PIEZO2: variants seen among roughly 807,000 people sequenced by gnomAD.
PIEZO2 encodes the protein piezo type mechanosensitive ion channel component 2, also known as piezo-type mechanosensitive ion channel component 2.
Under a neutral mutation model 337.3 loss-of-function variants are expected in PIEZO2, and 172 were observed. That is an observed-to-expected ratio of 0.51 (90% CI 0.45 to 0.58). The LOEUF is 0.58. Among genes scored for constraint, PIEZO2 ranks in the 20% least tolerant of loss-of-function variants. The pLI, the probability that PIEZO2 is intolerant of heterozygous loss-of-function variation, is 0.00. For synonymous variants in PIEZO2, 1,251 were observed against 1,228.5 expected (o/e 1.02, Z -0.38); for missense variants, 3,028 against 3,391.3 (o/e 0.89, Z 2.66).
chr18:10,796,212 A>AT (rs1568067722), intron 12 of PIEZO2, among the ~76,000 whole-genome samples: 22 of 151,836 alleles, frequency 1.4e-4, no homozygotes, highest in Admixed American at 6.6e-5. Context: ...AAAATAAAAA[A>AT]AAAAAAAATT....
Position 10,773,451 on chromosome 18 carries a change from C to A in PIEZO2, c.2746G>T (p.Glu916Ter), listed in dbSNP as rs2038674988. The change falls in exon 20 of 56, where the codon GAG becomes TAG. Residue 916 changes from glutamate to a stop codon, truncating the protein, a stop_gained. Coordinates refer to ENST00000674853, the MANE Select transcript of PIEZO2 (RefSeq NM_001378183.1). LOFTEE classifies it high-confidence loss of function. The surrounding 1 kb of genome is among the most constrained non-coding windows in gnomAD (Gnocchi z 5.3). Reference sequence around the variant, plus strand: ...TCCTCCTCGGATTCCTCCTCTTCCTCTCCGTCCTCCTCTGACTCCTCGCTG... The same window carrying A: ...TCCTCCTCGGATTCCTCCTCTTCCTATCCGTCCTCCTCTGACTCCTCGCTG... ...KDSEESEEDG[E>*]EEEESEEEEE... 2 of 1,537,434 alleles carry A rather than the reference C, an allele frequency of 1.3e-6. No homozygotes were observed. Among genetic ancestry groups the A allele is most frequent in the South Asian group, 2.4e-5 (2 of 84,062 alleles).
chr18:10,714,731 C>T (rs2035945491), intron 39 of PIEZO2, 33 bp downstream of exon 39: 2 of 1,531,892 alleles, frequency 1.3e-6, no homozygotes, highest in African/African-American at 1.4e-5. Flanking sequence ...TTACCTTTGT[C>T]AAAAGTAAAC....
chr18:10,875,470 A>G (rs572541471), intron 4 of PIEZO2, among the ~76,000 whole-genome samples: 53 of 152,276 alleles, frequency 3.5e-4, no homozygotes, highest in African/African-American at 1.3e-3. Context: ...CAGTAAGAAA[A>G]AAGGCCAGGC....
At chr18:11,133,422 T>C (rs1171229024) in intron 1 of PIEZO2, among the ~76,000 whole-genome samples, 5 of 151,992 alleles carry the variant, frequency 3.3e-5, no homozygotes, top group African/African-American at 1.2e-4. Context: ...TAATATAGAG[T>C]GTCAACTTGA....
At position 10,784,862 on chromosome 18, in the gene PIEZO2, A is replaced by G. The variant is rs761844949; in HGVS notation, c.2414T>C (p.Leu805Pro). 1.3e-6 allele frequency: 2 copies of G among 1,537,770 alleles called. No individual in the cohort carries two copies. Among genetic ancestry groups the G allele is most frequent in the Non-Finnish European group, 1.7e-6 (2 of 1,146,982 alleles). Reference protein sequence around the residue: ...TSFLLVCILHLHYFHDRFLEL... With the variant: ...TSFLLVCILHPHYFHDRFLEL... ...AAGGAACCGGTCATGGAAGTAGTGC[A>G]GGTGTAAAATGCACACCAGCAGAAA... The change falls in exon 17 of 56, where the codon CTG becomes CCG. Residue 805 changes from leucine (L) to proline (P), a missense_variant. Leu to Pro is a moderately conservative substitution (Grantham distance 98, BLOSUM62 -3). This residue lies in a region of PIEZO2 where 1,925 missense variants were observed against 2,051.9 expected (regional missense o/e 0.94). Coordinates refer to ENST00000674853, the MANE Select transcript of PIEZO2 (RefSeq NM_001378183.1). The surrounding 1 kb of genome is among the most constrained non-coding windows in gnomAD (Gnocchi z 4.5).
chr18:10,840,151 GT>G (rs1265459342), intron 7 of PIEZO2, among the ~76,000 whole-genome samples: 1 of 152,172 alleles, frequency 6.6e-6, no homozygotes, highest in Non-Finnish European at 1.5e-5. Flanking sequence ...ATATTTTAAT[GT>G]GTAACATGTA....
chr18:11,041,655 C>A (rs187352773), intron 2 of PIEZO2, among the ~76,000 whole-genome samples: 2 of 152,070 alleles, frequency 1.3e-5, no homozygotes, highest in African/African-American at 2.4e-5. Flanking sequence ...CATTTTTCTA[C>A]GATGTCAATT....
Position 10,853,338 on chromosome 18 carries a change from C to T in PIEZO2, c.917+2015G>A, listed in dbSNP as rs1364830109. Reference sequence around the variant, plus strand: ...CTTGATCTCAAGTCGCCTGCTTAGCCCACTTCCAAGTGTACTTCACTTCCT... The same window carrying T: ...CTTGATCTCAAGTCGCCTGCTTAGCTCACTTCCAAGTGTACTTCACTTCCT... On this transcript the variant is annotated intron_variant, in intron 7 of 55. Transcript: ENST00000674853. The surrounding 1 kb of genome is among the most constrained non-coding windows in gnomAD (Gnocchi z 4.2). 1.3e-5 allele frequency among the ~76,000 whole-genome samples: 2 copies of T among 152,176 alleles called. No homozygotes were observed. The highest frequency in any genetic ancestry group is 4.8e-5 in the African/African-American group (2 of 41,432).
chr18:10,768,826 G>C (rs925566911), intron 21 of PIEZO2, among the ~76,000 whole-genome samples: 3 of 152,156 alleles, frequency 2.0e-5, no homozygotes, highest in African/African-American at 7.2e-5. Context: ...CTTTTGTTTA[G>C]GATCTATAAG....
chr18:10,716,506 G>C lies in PIEZO2; in HGVS notation c.5090-690C>G, dbSNP rs574221976. Among the ~76,000 whole-genome samples the C allele has an allele frequency of 3.9e-5, 6 of 152,278 alleles. No homozygotes were observed. The South Asian group carries it at 1.0e-3, about 26-fold the overall frequency. ...GTCACACCTAACAGTCTTCCATGAGGTACATTTAAGAAGCAAGGAAAAGAG... is the reference window on the plus strand; with the variant it reads ...GTCACACCTAACAGTCTTCCATGAGCTACATTTAAGAAGCAAGGAAAAGAG... On this transcript the variant is annotated intron_variant, in intron 37 of 55. Transcript: ENST00000674853. This position sits in a 1 kb window ranked among gnomAD's most constrained non-coding sequence, Gnocchi z 4.1.
intron 29 of PIEZO2, 128 bp downstream of exon 29, chr18:10,749,963 C>T (rs751162724): frequency 6.1e-6 from 4 of 657,676 alleles, no homozygotes; most frequent in Non-Finnish European, 1.1e-5. Flanking sequence ...AGTTCTACAG[C>T]CTCCATCTGG....
At chr18:11,135,521 TAC>T (rs947827577) in intron 1 of PIEZO2, among the ~76,000 whole-genome samples, 1 of 152,196 alleles carries the variant, frequency 6.6e-6, no homozygotes, top group Non-Finnish European at 1.5e-5. Flanking sequence ...TATAAAACAT[TAC>T]AGTTTGGTTC....
In PIEZO2 at chr18:10,877,908, A is replaced by T. The variant is rs776955540; in HGVS notation, c.330-6493T>A. Among the ~76,000 whole-genome samples, 1 of 152,042 alleles carries T rather than the reference A, an allele frequency of 6.6e-6. No homozygotes were observed. Among genetic ancestry groups the T allele is most frequent in the Non-Finnish European group, 1.5e-5 (1 of 68,004 alleles). On this transcript the variant is annotated intron_variant, in intron 4 of 55. Transcript: ENST00000674853. This position sits in a 1 kb window ranked among gnomAD's most constrained non-coding sequence, Gnocchi z 5.3. The stretch of plus-strand genomic sequence containing the variant: ...CTACCTCAAATTCCGGCCATACTGA[A>T]TGCACGTACCCAGAACGCGCCAGTG...
At chr18:10,909,999 G>A (rs886528840) in intron 4 of PIEZO2, among the ~76,000 whole-genome samples, 2 of 152,174 alleles carry the variant, frequency 1.3e-5, no homozygotes, top group Admixed American at 6.5e-5. Context: ...TGGGTCTACC[G>A]ATGTGCTATT....
intron 3 of PIEZO2, among the ~76,000 whole-genome samples, chr18:10,944,884 G>A (rs566236567): frequency 3.9e-5 from 6 of 152,108 alleles, no homozygotes; most frequent in African/African-American, 1.4e-4. Context: ...GTTCCTAAGG[G>A]GGGAGAAAAA....
intron 13 of PIEZO2, among the ~76,000 whole-genome samples, chr18:10,792,765 G>T (rs571268534): frequency 1.3e-5 from 2 of 152,322 alleles, no homozygotes; most frequent in African/African-American, 4.8e-5. Context: ...TGGACAGATG[G>T]TTTCAATCCT....
intron 4 of PIEZO2, among the ~76,000 whole-genome samples, chr18:10,886,028 G>A (rs560072006): frequency 5.9e-4 from 89 of 151,836 alleles, no homozygotes; most frequent in African/African-American, 1.7e-3. Flanking sequence ...AAAACCTCAC[G>A]CAAAAGAGAA....
At position 10,990,801 on chromosome 18, in the gene PIEZO2, T is replaced by G. The variant is rs1048347630; in HGVS notation, c.161-11141A>C. 2.0e-5 allele frequency among the ~76,000 whole-genome samples: 3 copies of G among 151,598 alleles called. No individual in the cohort carries two copies. The East Asian group carries it at 5.8e-4, about 29-fold the overall frequency. ...TTTAGACTATTAATGTAGTAAATAATATATATTGAATTTCAAATGTTGAAA... is the reference window on the plus strand; with the variant it reads ...TTTAGACTATTAATGTAGTAAATAAGATATATTGAATTTCAAATGTTGAAA... On this transcript the variant is annotated intron_variant, in intron 2 of 55. Coordinates refer to ENST00000674853, the MANE Select transcript of PIEZO2 (RefSeq NM_001378183.1).
chr18:10,808,978 AT>A (rs2040088734), intron 7 of PIEZO2, among the ~76,000 whole-genome samples: 1 of 152,176 alleles, frequency 6.6e-6, no homozygotes, highest in African/African-American at 2.4e-5. Flanking sequence ...CCCATACAGA[AT>A]TTTAATTGTA....
Sources: allele counts gnomAD v4.1 joint callset (sites outside exome capture counted in the v4.1 genomes callset), GRCh38; gene constraint gnomAD v4.1.1; regional missense constraint gnomAD v4.1.1; non-coding constraint Gnocchi (gnomAD v3.1); transcripts MANE v1.5; gene names NCBI Gene and HGNC (gene_info 2026-07-23, HGNC 2026-07-21).